The following ARHGAP26 variants were observed in gnomAD, a reference collection of about 807,000 sequenced individuals.
ARHGAP26 encodes the protein rho GTPase-activating protein 26.
In ARHGAP26, 38 loss-of-function variants were observed where a neutral mutation model predicts 104.8. The ratio of observed to expected loss-of-function variants is 0.36; its 90% CI spans 0.28 to 0.48. ARHGAP26 has a LOEUF of 0.48. ARHGAP26 is among the 20% of genes least tolerant of loss of function. ARHGAP26 has a pLI of 0.99. For synonymous variants in ARHGAP26, 341 were observed against 340.0 expected (o/e 1.00, Z -0.03); for missense variants, 704 against 947.9 (o/e 0.74, Z 3.38).
intron 11 of ARHGAP26, among the ~76,000 whole-genome samples, chr5:142,956,237 G>A (rs1401691465): frequency 6.6e-6 from 1 of 151,860 alleles, no homozygotes; most frequent in Non-Finnish European, 1.5e-5. Context: ...ATTTATTTTA[G>A]GACATCTTGT....
chr5:143,017,253 T>C (rs1157535457), intron 12 of ARHGAP26, among the ~76,000 whole-genome samples: 1 of 152,204 alleles, frequency 6.6e-6, no homozygotes, highest in Non-Finnish European at 1.5e-5. Context: ...TTTGCTTTCA[T>C]CTCGAAGTTT....
intron 20 of ARHGAP26, among the ~76,000 whole-genome samples, chr5:143,205,636 C>T (rs990108346): frequency 6.6e-5 from 10 of 152,290 alleles, no homozygotes; most frequent in South Asian, 6.2e-4. Flanking sequence ...AGAGGGAGTA[C>T]GCTGGCTGCA....
At chr5:142,817,872 A>C (rs1368208137) in intron 1 of ARHGAP26, among the ~76,000 whole-genome samples, 2 of 152,144 alleles carry the variant, frequency 1.3e-5, no homozygotes, top group East Asian at 1.9e-4. Context: ...CCTGGACAGA[A>C]CCTGAAATCT....
chr5:143,119,912 C>G (rs1322119884), intron 17 of ARHGAP26, among the ~76,000 whole-genome samples: 4 of 151,304 alleles, frequency 2.6e-5, no homozygotes, highest in Admixed American at 2.0e-4. Context: ...AAAAGTGGAC[C>G]AGAGAAACAG....
At chr5:142,778,210 T>A (rs1756742911) in intron 1 of ARHGAP26, among the ~76,000 whole-genome samples, 1 of 152,236 alleles carries the variant, frequency 6.6e-6, no homozygotes. Flanking sequence ...ATGGTACTAT[T>A]TGCTAAAATA....
intron 14 of ARHGAP26, among the ~76,000 whole-genome samples, chr5:143,049,034 C>T (rs961563441): frequency 1.3e-4 from 20 of 151,936 alleles, no homozygotes; most frequent in African/African-American, 4.6e-4. Context: ...ATCCACTTGA[C>T]CAGTATCCAT....
chr5:143,071,231 C>T (rs906876617), intron 17 of ARHGAP26, among the ~76,000 whole-genome samples: 4 of 152,036 alleles, frequency 2.6e-5, no homozygotes, highest in South Asian at 2.1e-4. Context: ...AAATATACTA[C>T]GAAGCTGTAG....
chr5:142,963,198 A>ATATATATATATGTGTGTGTGTGTGTGTG (rs869247749), intron 11 of ARHGAP26, among the ~76,000 whole-genome samples: 1 of 98,324 alleles, frequency 1.0e-5, no homozygotes, highest in African/African-American at 6.1e-5. Flanking sequence ...ATATATATAT[A>ATATATATATATGTGTGTGTGTGTGTGTG]TGTGTGTGTG....
At chr5:143,096,684 CT>C (rs147658032) in intron 17 of ARHGAP26, among the ~76,000 whole-genome samples, 5,465 of 141,198 alleles carry the variant, frequency 0.039, 92 homozygotes, top group Non-Finnish European at 0.052. Context: ...TAAAGCTAGG[CT>C]TTTTTTTTTT....
intron 18 of ARHGAP26, among the ~76,000 whole-genome samples, chr5:143,130,429 T>G (rs1037777676): frequency 6.6e-6 from 1 of 152,120 alleles, no homozygotes; most frequent in Admixed American, 6.6e-5. Context: ...AAAATAAATC[T>G]CCCCCTTTTG....
At chr5:142,964,784 T>C (rs1028922020) in intron 11 of ARHGAP26, among the ~76,000 whole-genome samples, 1 of 152,134 alleles carries the variant, frequency 6.6e-6, no homozygotes, top group African/African-American at 2.4e-5. Flanking sequence ...GGGGCCAGCC[T>C]CACAGGGTCG....
At chr5:143,000,450 A>G (rs1263565533) in intron 11 of ARHGAP26, among the ~76,000 whole-genome samples, 1 of 152,272 alleles carries the variant, frequency 6.6e-6, no homozygotes, top group African/African-American at 2.4e-5. Flanking sequence ...AAAAAGGACT[A>G]AAGGTATTGG....
At chr5:143,099,140 A>G (rs1599007913) in intron 17 of ARHGAP26, among the ~76,000 whole-genome samples, 1 of 152,216 alleles carries the variant, frequency 6.6e-6, no homozygotes, top group East Asian at 1.9e-4. Context: ...CTACCAGACA[A>G]AAATAATTTG....
intron 1 of ARHGAP26, among the ~76,000 whole-genome samples, chr5:142,843,697 T>C (rs1771289439): frequency 6.6e-6 from 1 of 152,098 alleles, no homozygotes; most frequent in Admixed American, 6.5e-5. Flanking sequence ...TGGGGCACGG[T>C]GGATATAGTA....
intron 11 of ARHGAP26, among the ~76,000 whole-genome samples, chr5:143,002,205 G>A (rs572683554): frequency 3.5e-4 from 53 of 152,282 alleles, no homozygotes; most frequent in African/African-American, 1.2e-3. Context: ...CTCTCTGCCC[G>A]TTGTTTCTCC....
rs3776376 is a variant in ARHGAP26 at position 142,976,064 on chromosome 5, C to T, written c.1108-38016C>T. 3.3e-3 allele frequency among the ~76,000 whole-genome samples: 505 copies of T among 152,258 alleles called. 16 individuals carry two copies. The East Asian group carries it at 0.054, about 16-fold the overall frequency. ...ATATGCCCGGCTTAAGGGCTTTTCA[C>T]GAGAAATTCTCACTCTATCTGGATT... On this transcript the variant is annotated intron_variant, in intron 11 of 22. Coordinates refer to ENST00000645722, the MANE Select transcript of ARHGAP26 (RefSeq NM_001135608.3).
chr5:143,144,139 A>G (rs927159307), intron 19 of ARHGAP26, among the ~76,000 whole-genome samples: 2 of 152,166 alleles, frequency 1.3e-5, no homozygotes, highest in Non-Finnish European at 2.9e-5. Flanking sequence ...CCACTAGCCT[A>G]TAATTTTTTT....
intron 1 of ARHGAP26, among the ~76,000 whole-genome samples, chr5:142,825,908 C>T (rs1407090449): frequency 6.6e-6 from 1 of 152,170 alleles, no homozygotes; most frequent in Non-Finnish European, 1.5e-5. Flanking sequence ...GTGCTGTGTG[C>T]TGGCTTGGGA....
chr5:143,118,702 T>G (rs1795775713), intron 17 of ARHGAP26, among the ~76,000 whole-genome samples: 1 of 151,408 alleles, frequency 6.6e-6, no homozygotes, highest in Admixed American at 6.6e-5. Context: ...AGCCCAGGAG[T>G]GTGAGGGTGC....
Sources: gnomAD v4.1 joint callset for allele counts (sites outside exome capture counted in the v4.1 genomes callset) on GRCh38, gnomAD v4.1.1 for gene constraint, MANE v1.5 for transcripts, NCBI Gene and HGNC (gene_info 2026-07-23, HGNC 2026-07-21) for gene names.